Variants in NKAIN3 observed in about 807,000 individuals in gnomAD.
NKAIN3 encodes sodium/potassium transporting ATPase interacting 3, also known as sodium/potassium-transporting ATPase subunit beta-1-interacting protein 3.
In NKAIN3, 25 loss-of-function variants were observed where a neutral mutation model predicts 30.2. The observed-to-expected ratio is 0.83, with a 90% CI of 0.60 to 1.16. The LOEUF is 1.16. Ranked by LOEUF, NKAIN3 falls within the 50% of genes most tolerant of loss-of-function variation. The pLI, the probability that NKAIN3 is intolerant of heterozygous loss-of-function variation, is 0.00. For missense variants in NKAIN3, 225 were observed against 254.1 expected, an observed-to-expected ratio of 0.89 and a Z score of 0.78; for synonymous variants, 91 against 89.6, an observed-to-expected ratio of 1.02 and a Z score of -0.09.
rs549483813 is a variant in NKAIN3, at chr8:62,935,684, A to C, written c.532+17171A>C. On this transcript the variant is annotated intron_variant, in intron 5 of 6. Coordinates refer to ENST00000623646, the MANE Select transcript of NKAIN3 (RefSeq NM_001304533.3). ...GAGACGTTAGTCACTCACTAGATTA[A>C]AACTAGAATATTCATATTTAAATAT... 6.5e-4 allele frequency among the ~76,000 whole-genome samples: 99 copies of C among 152,284 alleles called. 1 individual carries two copies. Among genetic ancestry groups the C allele is most frequent in the Middle Eastern group, 6.8e-3 (2 of 294 alleles).
intron 5 of NKAIN3, among the ~76,000 whole-genome samples, chr8:62,942,215 C>CTATATATACAT (rs1822981485): frequency 5.2e-5 from 2 of 38,494 alleles, no homozygotes; most frequent in African/African-American, 2.1e-4. Context: ...TATATATACA[C>CTATATATACAT]ATATATATAC....
intron 3 of NKAIN3, among the ~76,000 whole-genome samples, chr8:62,671,307 T>C (rs1813296229): frequency 6.6e-6 from 1 of 152,144 alleles, no homozygotes; most frequent in African/African-American, 2.4e-5. Context: ...GTTATATCCT[T>C]CAGGCATTCT....
chr8:62,606,952 A>T (rs769568140), intron 3 of NKAIN3, among the ~76,000 whole-genome samples: 1 of 152,170 alleles, frequency 6.6e-6, no homozygotes, highest in Non-Finnish European at 1.5e-5. Context: ...TGCCAAGAGC[A>T]TTATATTAAT....
intron 3 of NKAIN3, among the ~76,000 whole-genome samples, chr8:62,711,929 G>T (rs1485351113): frequency 2.0e-5 from 3 of 152,214 alleles, no homozygotes; most frequent in Non-Finnish European, 4.4e-5. Context: ...CCCACGGGGT[G>T]TTCCCTTGAT....
chr8:62,543,735 A>G (rs80017708), intron 1 of NKAIN3, among the ~76,000 whole-genome samples: 4,935 of 152,302 alleles, frequency 0.032, 221 homozygotes, highest in African/African-American at 0.11. Flanking sequence ...AATACATAAG[A>G]AACTGAAAAT....
chr8:62,942,923 A>G (rs939388809), intron 5 of NKAIN3, among the ~76,000 whole-genome samples: 6 of 152,210 alleles, frequency 3.9e-5, no homozygotes, highest in Admixed American at 1.3e-4. Flanking sequence ...ACCTGAAACC[A>G]TAGAAATTCT....
chr8:62,372,857 C>T (rs1816952537), intron 1 of NKAIN3, among the ~76,000 whole-genome samples: 1 of 152,066 alleles, frequency 6.6e-6, no homozygotes, highest in Non-Finnish European at 1.5e-5. Flanking sequence ...AACCTTTTAA[C>T]AGTCCCTTCT....
intron 4 of NKAIN3, among the ~76,000 whole-genome samples, chr8:62,796,805 C>CACACACACACAA (rs1368038754): frequency 6.6e-6 from 1 of 151,950 alleles, no homozygotes; most frequent in African/African-American, 2.4e-5. Flanking sequence ...CACACACACA[C>CACACACACACAA]ACACACACAC....
At chr8:62,325,309 T>C (rs1436940925) in intron 1 of NKAIN3, among the ~76,000 whole-genome samples, 1 of 152,150 alleles carries the variant, frequency 6.6e-6, no homozygotes. Flanking sequence ...AGAGACATTA[T>C]TTCATTCCTT....
chr8:62,856,628 A>G, intron 4 of NKAIN3: 1 of 775,640 alleles, frequency 1.3e-6, no homozygotes, highest in Admixed American at 1.7e-5. Context: ...ACTGGACATC[A>G]CTAAAGAGGT....
At chr8:62,323,416 A>G (rs1815008157) in intron 1 of NKAIN3, among the ~76,000 whole-genome samples, 1 of 152,214 alleles carries the variant, frequency 6.6e-6, no homozygotes, top group South Asian at 2.1e-4. Flanking sequence ...TTAAAGACAA[A>G]ATGAGGTGGA....
rs549698227 is a variant in NKAIN3, at chr8:62,808,299, T to A, written c.471+61170T>A. Reference sequence around the variant, plus strand: ...AAAACTTGTGAACTCTTTAGTAGCTTTTTGTTACTCCGAATGTCTTTATTT... The same window carrying A: ...AAAACTTGTGAACTCTTTAGTAGCTATTTGTTACTCCGAATGTCTTTATTT... On this transcript the variant is annotated intron_variant, in intron 4 of 6. Transcript: ENST00000623646. 1.0e-3 allele frequency among the ~76,000 whole-genome samples: 153 copies of A among 152,326 alleles called. 2 individuals are homozygous for A. Among genetic ancestry groups the A allele is most frequent in the African/African-American group, 3.6e-3 (151 of 41,580 alleles).
intron 3 of NKAIN3, among the ~76,000 whole-genome samples, chr8:62,726,653 C>T (rs1293411796): frequency 6.6e-6 from 1 of 151,740 alleles, no homozygotes; most frequent in African/African-American, 2.4e-5. Flanking sequence ...TCTTTACATC[C>T]TTATATTTAT....
chr8:62,457,378 G>A (rs911886995), intron 1 of NKAIN3, among the ~76,000 whole-genome samples: 1 of 152,216 alleles, frequency 6.6e-6, no homozygotes, highest in Non-Finnish European at 1.5e-5. Context: ...CCCTTGCAAA[G>A]TATCAAGCTC....
intron 1 of NKAIN3, among the ~76,000 whole-genome samples, chr8:62,282,561 A>C (rs1813241509): frequency 6.6e-6 from 1 of 152,164 alleles, no homozygotes; most frequent in South Asian, 2.1e-4. Context: ...TTGTTGACTG[A>C]TGGGCTTTCA....
chr8:62,774,599 AG>A (rs1382084366), intron 4 of NKAIN3, among the ~76,000 whole-genome samples: 2 of 151,910 alleles, frequency 1.3e-5, no homozygotes, highest in African/African-American at 4.8e-5. Context: ...CAGTTTTTTT[AG>A]GGTTTGTATC....
chr8:62,687,689 T>C (rs1050531315), intron 3 of NKAIN3, among the ~76,000 whole-genome samples: 1 of 152,242 alleles, frequency 6.6e-6, no homozygotes, highest in Non-Finnish European at 1.5e-5. Context: ...CCATTAATTT[T>C]CCATATTTCA....
At chr8:62,569,417 G>A (rs1449788916) in intron 1 of NKAIN3, among the ~76,000 whole-genome samples, 3 of 152,108 alleles carry the variant, frequency 2.0e-5, no homozygotes, top group Non-Finnish European at 4.4e-5. Context: ...TGAATAGATA[G>A]GAGAGTTTAG....
chr8:62,695,260 C>A (rs1476805882), intron 3 of NKAIN3, among the ~76,000 whole-genome samples: 1 of 152,180 alleles, frequency 6.6e-6, no homozygotes. Flanking sequence ...TTTACTTTAT[C>A]ATCACCCACA....
Sources: gnomAD v4.1 joint callset for allele counts (sites outside exome capture counted in the v4.1 genomes callset) on GRCh38, gnomAD v4.1.1 for gene constraint, MANE v1.5 for transcripts, NCBI Gene and HGNC (gene_info 2026-07-23, HGNC 2026-07-21) for gene names.